PRUNE2: variants seen among roughly 807,000 people sequenced by gnomAD.
The protein encoded by PRUNE2 is prune homolog 2 with BCH domain, also known as protein prune homolog 2.
PRUNE2 carries 164 observed loss-of-function variants against 252.0 expected under a neutral mutation model. The ratio of observed to expected loss-of-function variants is 0.65; its 90% CI spans 0.57 to 0.74. The LOEUF is 0.74. PRUNE2 is among the 30% of genes least tolerant of loss of function. The probability of loss-of-function intolerance (pLI) is 0.00; values close to 1 mark genes in which losing one functional copy is unlikely to be tolerated. For synonymous variants in PRUNE2, 1,292 were observed against 1,350.2 expected, an observed-to-expected ratio of 0.96 and a Z score of 0.94; for missense variants, 3,495 against 3,711.0, an observed-to-expected ratio of 0.94 and a Z score of 1.51.
rs1410025880 is a variant in PRUNE2 at position 76,705,446 on chromosome 9, C to A, written c.6828G>T (p.Glu2276Asp). The change falls in exon 8 of 19, where the codon GAG becomes GAT. Residue 2276 changes from glutamate to aspartate, a missense_variant. Transcript: ENST00000376718. Reference protein sequence around the residue: ...LFDGDPHLSTENPALVPDALL... With the variant: ...LFDGDPHLSTDNPALVPDALL... ...AAGCATCAGGAACCAAGGCAGGATT[C>A]TCTGTGGATAAATGTGGATCACCAT... The A allele has an allele frequency of 6.2e-7, 1 of 1,613,926 alleles. No individual in the cohort carries two copies. The highest frequency in any genetic ancestry group is 8.5e-7 in the Non-Finnish European group (1 of 1,179,842).
intron 6 of PRUNE2, among the ~76,000 whole-genome samples, chr9:76,814,465 T>G (rs965117550): frequency 6.6e-6 from 1 of 152,146 alleles, no homozygotes; most frequent in African/African-American, 2.4e-5. Flanking sequence ...CAGGAGACAC[T>G]CTGAGCAAGA....
chr9:76,700,804 A>T (rs775059097), intron 9 of PRUNE2, among the ~76,000 whole-genome samples: 2 of 152,104 alleles, frequency 1.3e-5, no homozygotes, highest in Admixed American at 1.3e-4. Flanking sequence ...CCCGAAACAG[A>T]TATCTCTCCT....
chr9:76,880,130 G>A (rs544592291), intron 1 of PRUNE2, among the ~76,000 whole-genome samples: 82 of 151,714 alleles, frequency 5.4e-4, no homozygotes, highest in Non-Finnish European at 9.6e-4. Context: ...AGCCAGGATG[G>A]TCTCGATCTC....
chr9:76,628,715 C>T (rs1314911210), intron 16 of PRUNE2, among the ~76,000 whole-genome samples: 2 of 152,108 alleles, frequency 1.3e-5, no homozygotes, highest in African/African-American at 4.8e-5. Context: ...TCTAAAAGAA[C>T]ACAACAATTA....
intron 4 of PRUNE2, among the ~76,000 whole-genome samples, chr9:76,831,434 A>G (rs2058672004): frequency 6.6e-6 from 1 of 152,150 alleles, no homozygotes; most frequent in Non-Finnish European, 1.5e-5. Context: ...TTCACTGTAT[A>G]AAACAATTAT....
intron 4 of PRUNE2, among the ~76,000 whole-genome samples, chr9:76,842,974 G>A (rs539151292): frequency 6.6e-6 from 1 of 152,174 alleles, no homozygotes; most frequent in African/African-American, 2.4e-5. Flanking sequence ...TCCCATTACT[G>A]GATATATACC....
Position 76,774,462 on chromosome 9 carries a change from T to TTATTTATTTATTTATTTA in PRUNE2, c.756+49169_756+49170insTAAATAAATAAATAAATA, listed in dbSNP as rs764639915. ...CTCCAGTTCAACCCTTTTTTTTTTT[T>TTATTTATTTATTTATTTA]TTTTTTTTTTTTTTTGAGATGGAGT... On this transcript the variant is annotated intron_variant, in intron 6 of 18. Coordinates refer to ENST00000376718, the MANE Select transcript of PRUNE2 (RefSeq NM_015225.3). Among the ~76,000 whole-genome samples the TTATTTATTTATTTATTTA allele has an allele frequency of 8.5e-4, 89 of 104,320 alleles. 2 individuals carry two copies. The highest frequency in any genetic ancestry group is 2.0e-3 in the African/African-American group (61 of 30,200). The allele number at this position is 104,320 out of a possible 152,430, so 68.4% of individuals were successfully genotyped here. A position where few individuals can be genotyped will look rare whatever the true frequency, so the allele number is the denominator to read the frequency against.
chr9:76,755,177 T>C (rs944792420), intron 6 of PRUNE2, among the ~76,000 whole-genome samples: 15 of 152,142 alleles, frequency 9.9e-5, no homozygotes. Context: ...AATCACACTG[T>C]ATATTTAATT....
chr9:76,840,305 G>A (rs2059310089), intron 4 of PRUNE2, among the ~76,000 whole-genome samples: 1 of 152,084 alleles, frequency 6.6e-6, no homozygotes, highest in Admixed American at 6.5e-5. Flanking sequence ...TTACTTTTGA[G>A]CACAGTGGGC....
At chr9:76,618,487 T>C (rs1239115833) in intron 18 of PRUNE2, among the ~76,000 whole-genome samples, 3 of 152,206 alleles carry the variant, frequency 2.0e-5, no homozygotes, top group Non-Finnish European at 4.4e-5. Context: ...GATGACCAAG[T>C]TCTCTCTGAA....
At chr9:76,718,154 A>G (rs2135176009) in intron 6 of PRUNE2, among the ~76,000 whole-genome samples, 1 of 152,358 alleles carries the variant, frequency 6.6e-6, no homozygotes, top group South Asian at 2.1e-4. Flanking sequence ...GAAAGTGCAG[A>G]TGCAGTGAAA....
At chr9:76,889,686 C>T (rs906417714) in intron 1 of PRUNE2, among the ~76,000 whole-genome samples, 12 of 152,190 alleles carry the variant, frequency 7.9e-5, no homozygotes, top group Non-Finnish European at 1.2e-4. Context: ...AGACGCGGCA[C>T]ATCAGGCGTC....
chr9:76,734,442 A>G (rs896673378), intron 6 of PRUNE2, among the ~76,000 whole-genome samples: 2 of 152,182 alleles, frequency 1.3e-5, no homozygotes, highest in African/African-American at 4.8e-5. Context: ...AATCTCAGCT[A>G]TGCCACTTCT....
intron 9 of PRUNE2, among the ~76,000 whole-genome samples, chr9:76,699,974 T>C (rs1311171637): frequency 6.6e-6 from 1 of 152,238 alleles, no homozygotes; most frequent in Non-Finnish European, 1.5e-5. Flanking sequence ...GATCCCCTGC[T>C]GGACAGGTCT....
At chr9:76,686,841 T>C (rs901044620) in intron 9 of PRUNE2, among the ~76,000 whole-genome samples, 2 of 152,080 alleles carry the variant, frequency 1.3e-5, no homozygotes, top group African/African-American at 4.8e-5. Flanking sequence ...CAGGAGATCC[T>C]CCCATCTTCG....
chr9:76,624,827 G>C (rs1248069440), intron 16 of PRUNE2, among the ~76,000 whole-genome samples: 1 of 152,182 alleles, frequency 6.6e-6, no homozygotes, highest in African/African-American at 2.4e-5. Flanking sequence ...AGTCAGGGAT[G>C]TATCTGGTTT....
In PRUNE2 at chr9:76,703,972, G is replaced by C. The variant is rs1424087982; in HGVS notation, c.7641C>G (p.His2547Gln). Residue 2547 changes from histidine (H) to glutamine (Q), a missense_variant, in exon 9 of 19, where the codon CAC becomes CAG. Physicochemically the swap from His to Gln is conservative, Grantham distance 24 (BLOSUM62 0). Coordinates refer to ENST00000376718, the MANE Select transcript of PRUNE2 (RefSeq NM_015225.3). The stretch of plus-strand genomic sequence containing the variant: ...CACGGTTTACAAGTATGTAATCCAT[G>C]TGTAGTGCATGACGATCTTCATTCT... ...TEKNEDRHAL[H>Q]MDYILVNREE... is the part of the protein sequence containing the mutation. The C allele has an allele frequency of 6.2e-7, 1 of 1,613,822 alleles. No individual in the cohort carries two copies. Among genetic ancestry groups the C allele is most frequent in the Admixed American group, 1.7e-5 (1 of 59,986 alleles).
chr9:76,768,741 G>A (rs914670315), intron 6 of PRUNE2, among the ~76,000 whole-genome samples: 3 of 151,820 alleles, frequency 2.0e-5, no homozygotes, highest in African/African-American at 7.3e-5. Flanking sequence ...ACTTTCTTTT[G>A]AATTTCTTAC....
chr9:76,695,739 C>A (rs506965), intron 9 of PRUNE2, among the ~76,000 whole-genome samples: 77,713 of 151,894 alleles, frequency 0.51, 20,983 homozygotes, highest in Middle Eastern at 0.64. Context: ...TCAATCAGGC[C>A]TATTTATGGG....
Sources: allele counts gnomAD v4.1 joint callset (sites outside exome capture counted in the v4.1 genomes callset), GRCh38; gene constraint gnomAD v4.1.1; transcripts MANE v1.5; gene names NCBI Gene and HGNC (gene_info 2026-07-23, HGNC 2026-07-21).